Variants in ALOX5 observed in about 807,000 individuals in gnomAD.
The protein encoded by ALOX5 is polyunsaturated fatty acid 5-lipoxygenase.
Under a neutral mutation model 87.9 loss-of-function variants are expected in ALOX5, and 64 were observed. That is an observed-to-expected ratio of 0.73 (90% CI 0.60 to 0.90). The LOEUF is 0.90. ALOX5 is among the 40% of genes least tolerant of loss of function. ALOX5 has a pLI of 0.00. For synonymous variants in ALOX5, 388 were observed against 355.1 expected (o/e 1.09, Z -1.04); for missense variants, 822 against 907.5 (o/e 0.91, Z 1.21).
intron 9 of ALOX5, 137 bp downstream of exon 9, chr10:45,441,567 C>A: frequency 2.4e-6 from 2 of 819,214 alleles, no homozygotes; most frequent in Non-Finnish European, 3.9e-6. Flanking sequence ...CTGGCTCCAG[C>A]ATCCTCCTGA....
chr10:45,395,987 C>T (rs1564421235), intron 3 of ALOX5, 51 bp downstream of exon 3: 1 of 1,561,418 alleles, frequency 6.4e-7, no homozygotes, highest in Non-Finnish European at 8.8e-7. Flanking sequence ...TTTCTTCTAT[C>T]TCAAGAGCAT....
intron 9 of ALOX5, 115 bp downstream of exon 9, chr10:45,441,545 C>T (rs1345329458): frequency 1.9e-6 from 2 of 1,038,352 alleles, no homozygotes; most frequent in East Asian, 4.9e-5. Flanking sequence ...AGGCTGGAGT[C>T]TGCTCAGAGC....
At chr10:45,424,840 A>T in intron 5 of ALOX5, 120 bp from the exon 6 acceptor site, 1 of 1,243,386 alleles carries the variant, frequency 8.0e-7, no homozygotes, top group Non-Finnish European at 1.1e-6. Context: ...GTGCCCATCC[A>T]GGGAGCACTC....
Position 45,425,006 on chromosome 10 carries a change from G to C in ALOX5, c.708G>C (p.Gln236His). The change falls in exon 6 of 14, where the codon CAG becomes CAC. Residue 236 changes from glutamine to histidine, a missense_variant. Gln to His is a conservative substitution (Grantham distance 24, BLOSUM62 0). Transcript: ENST00000374391. This position sits in a 1 kb window ranked among gnomAD's most constrained non-coding sequence, Gnocchi z 4.4. ...HWQEDLMFGYQFLNGCNPVLI... is the reference protein window; with the variant it reads ...HWQEDLMFGYHFLNGCNPVLI... ...AGGAAGACCTGATGTTTGGCTACCA[G>C]TTCCTGAATGGCTGCAACCCTGTGT... 1 of 1,614,248 alleles carries C rather than the reference G, an allele frequency of 6.2e-7. No individual in the cohort carries two copies. The highest frequency in any genetic ancestry group is 8.5e-7 in the Non-Finnish European group (1 of 1,180,044).
At chr10:45,396,562 T>G (rs555361301) in intron 3 of ALOX5, among the ~76,000 whole-genome samples, 33 of 152,090 alleles carry the variant, frequency 2.2e-4, no homozygotes, top group Non-Finnish European at 4.6e-4. Context: ...AATAAAACAA[T>G]CACAACCAAA....
chr10:45,388,634 C>T (rs1390281551), intron 2 of ALOX5, among the ~76,000 whole-genome samples: 1 of 152,238 alleles, frequency 6.6e-6, no homozygotes, highest in South Asian at 2.1e-4. Flanking sequence ...AGGGTCCTGA[C>T]TGTTAGAAGG....
At chr10:45,399,879 T>C (rs953087067) in intron 3 of ALOX5, among the ~76,000 whole-genome samples, 1 of 152,196 alleles carries the variant, frequency 6.6e-6, no homozygotes, top group Non-Finnish European at 1.5e-5. Flanking sequence ...GAATCTCCAA[T>C]AAGCACGTGA....
chr10:45,408,810 T>C (rs1351169098), intron 3 of ALOX5, among the ~76,000 whole-genome samples: 1 of 152,272 alleles, frequency 6.6e-6, no homozygotes, highest in East Asian at 1.9e-4. Flanking sequence ...GTTTCATTTA[T>C]GGCTTCCATT....
intron 7 of ALOX5, among the ~76,000 whole-genome samples, chr10:45,439,556 T>TGCTGG (rs1842161920): frequency 6.6e-6 from 1 of 152,178 alleles, no homozygotes; most frequent in Admixed American, 6.5e-5. Context: ...GCTGAGGCTG[T>TGCTGG]GCTGGGCTCT....
intron 4 of ALOX5, among the ~76,000 whole-genome samples, chr10:45,413,664 T>C (rs976122975): frequency 2.0e-5 from 3 of 152,168 alleles, no homozygotes; most frequent in South Asian, 2.1e-4. Context: ...TCCCTGTTTG[T>C]AGATGACATG....
rs189384146 is a variant in ALOX5, at chr10:45,407,490, A to G, written c.432-4701A>G. The stretch of plus-strand genomic sequence containing the variant: ...ATTTATTTGCGAAAGTTAAGGACGC[A>G]TGCCCGGGAGACAGCACTATGCCTT... On this transcript the variant is annotated intron_variant, in intron 3 of 13. Transcript: ENST00000374391. 2.0e-3 allele frequency among the ~76,000 whole-genome samples: 307 copies of G among 152,072 alleles called. 1 individual carries two copies. The highest frequency in any genetic ancestry group is 3.4e-3 in the Non-Finnish European group (232 of 67,998).
chr10:45,406,970 C>A, intron 3 of ALOX5, among the ~76,000 whole-genome samples: 1 of 152,064 alleles, frequency 6.6e-6, no homozygotes, highest in East Asian at 1.9e-4. Context: ...AATGCATATT[C>A]TTTGCTGTAT....
At chr10:45,389,914 T>A (rs1282370488) in intron 2 of ALOX5, among the ~76,000 whole-genome samples, 2 of 151,886 alleles carry the variant, frequency 1.3e-5, no homozygotes, top group Non-Finnish European at 2.9e-5. Flanking sequence ...GGATAAAGAG[T>A]CAAGACCCAT....
chr10:45,393,721 A>G (rs1339648874), intron 2 of ALOX5, among the ~76,000 whole-genome samples: 2 of 152,224 alleles, frequency 1.3e-5, no homozygotes, highest in Admixed American at 1.3e-4. Context: ...TCTCAGCCCA[A>G]AATCTCCTTA....
chr10:45,419,920 G>A (rs1841443806), intron 4 of ALOX5, among the ~76,000 whole-genome samples: 1 of 152,180 alleles, frequency 6.6e-6, no homozygotes, highest in African/African-American at 2.4e-5. Context: ...GAGAAGTGAT[G>A]GCGGAGGAAA....
At chr10:45,404,727 G>A (rs552370536) in intron 3 of ALOX5, among the ~76,000 whole-genome samples, 3 of 152,330 alleles carry the variant, frequency 2.0e-5, no homozygotes, top group Non-Finnish European at 2.9e-5. Flanking sequence ...CAAACCAAGC[G>A]ACAGTGAGCT....
intron 1 of ALOX5, among the ~76,000 whole-genome samples, chr10:45,377,416 C>T (rs3824612): frequency 0.31 from 46,363 of 150,986 alleles, 8,908 homozygotes; most frequent in East Asian, 0.51. Flanking sequence ...TACCCTACAA[C>T]TCTCCCTTCT....
intron 4 of ALOX5, among the ~76,000 whole-genome samples, chr10:45,412,812 C>G (rs1841117751): frequency 6.6e-6 from 1 of 152,194 alleles, no homozygotes; most frequent in Non-Finnish European, 1.5e-5. Flanking sequence ...GACTACCTTC[C>G]TTGCCTAAGG....
intron 2 of ALOX5, 41 bp from the exon 3 acceptor site, chr10:45,395,814 G>A (rs756654422): frequency 1.3e-6 from 2 of 1,584,264 alleles, no homozygotes; most frequent in Non-Finnish European, 8.7e-7. Flanking sequence ...CATTGTTATT[G>A]TTCTTCCTCA....
Sources: allele counts gnomAD v4.1 joint callset (sites outside exome capture counted in the v4.1 genomes callset), GRCh38; gene constraint gnomAD v4.1.1; non-coding constraint Gnocchi (gnomAD v3.1); transcripts MANE v1.5; gene names NCBI Gene and HGNC (gene_info 2026-07-23, HGNC 2026-07-21).